The following ARMH1 variants were observed in gnomAD, a reference collection of about 807,000 sequenced individuals.
ARMH1 encodes armadillo-like helical domain containing protein 1.
Under a neutral mutation model 50.2 loss-of-function variants are expected in ARMH1, and 34 were observed. That is an observed-to-expected ratio of 0.68 (90% CI 0.51 to 0.90). The LOEUF is 0.90. ARMH1 is among the 40% of genes least tolerant of loss of function. The pLI is 0.00. For missense variants in ARMH1, 538 were observed against 553.9 expected, an observed-to-expected ratio of 0.97 and a Z score of 0.29; for synonymous variants, 221 against 224.2, an observed-to-expected ratio of 0.99 and a Z score of 0.13.
chr1:44,674,855 G>GC lies in ARMH1; in HGVS notation c.-40dup, dbSNP rs1432221075. On this transcript the variant is annotated 5_prime_UTR_variant, in exon 1 of 12. Transcript: ENST00000535358. The stretch of plus-strand genomic sequence containing the variant: ...CTACCTCTGCCATCCTCTACCAGCC[G>GC]CAACTGCGAGGGCTGGAGGTATAAA... 6.4e-6 allele frequency: 1 copy of GC among 156,386 alleles called. No individual in the cohort carries two copies. The highest frequency in any genetic ancestry group is 2.4e-5 in the African/African-American group (1 of 41,556). 9.7% of individuals were successfully genotyped at this position (156,386 alleles called of 1,614,324 possible).
chr1:44,701,032 T>C lies in ARMH1; in HGVS notation c.552T>C (p.Asn184=). ...TCCACGGCAATCCCAAGTACCAAAATCAAGTGTATAAAGGTCTAATAGCTT... is the reference window on the plus strand; with the variant it reads ...TCCACGGCAATCCCAAGTACCAAAACCAAGTGTATAAAGGTCTAATAGCTT... ...SLVHGNPKYQ[N]QVYKGLIALL... is the part of the protein sequence containing the mutation. Residue 184 remains asparagine (N), a synonymous_variant, in exon 5 of 12, where the codon AAT becomes AAC. Transcript: ENST00000535358. 1 of 1,551,734 alleles carries C rather than the reference T, an allele frequency of 6.4e-7. No individual in the cohort carries two copies. Among genetic ancestry groups the C allele is most frequent in the Non-Finnish European group, 8.7e-7 (1 of 1,147,008 alleles).
intron 6 of ARMH1, among the ~76,000 whole-genome samples, chr1:44,716,598 C>T (rs760400543): frequency 6.6e-6 from 1 of 152,188 alleles, no homozygotes; most frequent in Non-Finnish European, 1.5e-5. Flanking sequence ...TTGCTTCCCA[C>T]CTTCAACCAA....
rs151282424 is a variant in ARMH1 at position 44,697,146 on chromosome 1, G to A, written c.251G>A (p.Gly84Asp). 9 of 1,551,984 alleles carry A rather than the reference G, an allele frequency of 5.8e-6. No homozygotes were observed. In the East Asian group the frequency reaches 2.0e-4, roughly 34 times the overall value. The change falls in exon 3 of 12, where the codon GGC (glycine) becomes GAC (aspartate). Residue 84 changes from glycine (G) to aspartate (D), a missense_variant. Coordinates refer to ENST00000535358, the MANE Select transcript of ARMH1 (RefSeq NM_001145636.2). ...TTAGAAAAGCTTCTCAGGTCCATTG[G>A]CATCTTCTTATCAGCTGTAAGCAGG... Reference protein sequence around the residue: ...SCLEKLLRSIGIFLSAVSSNR... With the variant: ...SCLEKLLRSIDIFLSAVSSNR...
At chr1:44,714,833 A>G (rs1020820719) in intron 6 of ARMH1, among the ~76,000 whole-genome samples, 4 of 151,800 alleles carry the variant, frequency 2.6e-5, no homozygotes, top group Non-Finnish European at 5.9e-5. Context: ...AATTCTTTTT[A>G]GAGATGGGAT....
intron 5 of ARMH1, among the ~76,000 whole-genome samples, chr1:44,702,788 A>C (rs928242099): frequency 6.6e-6 from 1 of 152,180 alleles, no homozygotes; most frequent in African/African-American, 2.4e-5. Flanking sequence ...AGGGTTGGAA[A>C]ATCAAGGGAA....
chr1:44,724,422 C>T lies in ARMH1; in HGVS notation c.920+30C>T. The stretch of plus-strand genomic sequence containing the variant: ...GCGGGCAGGGGTTAGTGGGTAGCTG[C>T]AGCAAGCCTGGCTTGGCGCTGCCGG... On this transcript the variant is annotated intron_variant, in intron 8 of 11. Transcript: ENST00000535358. This position sits in a 1 kb window ranked among gnomAD's most constrained non-coding sequence, Gnocchi z 6.4. The T allele has an allele frequency of 3.2e-6, 5 of 1,544,816 alleles. No individual in the cohort carries two copies. The highest frequency in any genetic ancestry group is 4.4e-6 in the Non-Finnish European group (5 of 1,145,408).
At chr1:44,676,492 G>A (rs72671983) in intron 1 of ARMH1, among the ~76,000 whole-genome samples, 6,369 of 152,294 alleles carry the variant, frequency 0.042, 185 homozygotes, top group Non-Finnish European at 0.065. Context: ...TGAGGGTCTG[G>A]CAAAGGAGGA....
chr1:44,721,582 G>C, intron 6 of ARMH1, among the ~76,000 whole-genome samples: 1 of 152,028 alleles, frequency 6.6e-6, no homozygotes, highest in Non-Finnish European at 1.5e-5. Context: ...CATGACAGTA[G>C]GCCGGGCACT....
In ARMH1 at chr1:44,681,051, G is replaced by C. The variant is rs373107271; in HGVS notation, c.-23+6178G>C. On this transcript the variant is annotated intron_variant, in intron 1 of 11. Coordinates refer to ENST00000535358, the MANE Select transcript of ARMH1 (RefSeq NM_001145636.2). This position sits in a 1 kb window ranked among gnomAD's most constrained non-coding sequence, Gnocchi z 4.3. ...GCTCTGTCACCCAGGCTGGAGTGTA[G>C]TGGCGTGATCTCGGCTCACTGCAAG... Among the ~76,000 whole-genome samples the C allele has an allele frequency of 8.1e-5, 12 of 147,626 alleles. No individual in the cohort carries two copies. The highest frequency in any genetic ancestry group is 3.1e-4 in the African/African-American group (12 of 39,152).
intron 1 of ARMH1, among the ~76,000 whole-genome samples, chr1:44,686,277 C>A (rs917211104): frequency 1.3e-5 from 2 of 152,052 alleles, no homozygotes; most frequent in Non-Finnish European, 2.9e-5. Context: ...TACTTCAAAC[C>A]AAACAATAGG....
At chr1:44,685,349 C>T (rs541984994) in intron 1 of ARMH1, among the ~76,000 whole-genome samples, 47 of 151,164 alleles carry the variant, frequency 3.1e-4, no homozygotes, top group African/African-American at 1.0e-3. Flanking sequence ...TGCTGTGTTG[C>T]CCAGGCTGGA....
intron 2 of ARMH1, among the ~76,000 whole-genome samples, chr1:44,693,616 A>G (rs1482352904): frequency 6.6e-5 from 10 of 151,632 alleles, no homozygotes; most frequent in Non-Finnish European, 1.5e-4. Context: ...ATCCCCAACT[A>G]ATTTTATTAT....
chr1:44,698,157 G>T lies in ARMH1; in HGVS notation c.370G>T (p.Glu124Ter). 4.5e-6 allele frequency: 7 copies of T among 1,552,388 alleles called. No individual in the cohort carries two copies. Among genetic ancestry groups the T allele is most frequent in the Non-Finnish European group, 6.1e-6 (7 of 1,147,134 alleles). ...LEKIKEEAKK[E>*]SVKLLQVIAN... ...GAAGATCAAGGAGGAGGCCAAGAAG[G>T]AATCTGTCAAACTACTTCAGGTTAT... is the stretch of plus-strand genomic sequence containing the variant. The change falls in exon 4 of 12, where the codon GAA (glutamate) becomes TAA (stop). Residue 124 changes from glutamate (E) to a stop codon, truncating the protein, a stop_gained. Transcript: ENST00000535358. LOFTEE classifies it high-confidence loss of function.
Position 44,725,421 on chromosome 1 carries a change from CAG to C in ARMH1, c.*19_*20del. The C allele has an allele frequency of 6.4e-7, 1 of 1,551,050 alleles. No individual in the cohort carries two copies. The highest frequency in any genetic ancestry group is 8.7e-7 in the Non-Finnish European group (1 of 1,146,376). Reference sequence around the variant, plus strand: ...AGGAGTAACAGCCCCTGTGGCAAACCAGGAAGGCCAAGGCTGCGGGGCAGGGA... The same window carrying C: ...AGGAGTAACAGCCCCTGTGGCAAACCGAAGGCCAAGGCTGCGGGGCAGGGA... On this transcript the variant is annotated 3_prime_UTR_variant, in exon 12 of 12. Transcript: ENST00000535358.
chr1:44,713,337 G>A lies in ARMH1; in HGVS notation c.724+9164G>A, dbSNP rs901289197. Among the ~76,000 whole-genome samples, 7 of 151,978 alleles carry A rather than the reference G, an allele frequency of 4.6e-5. No individual in the cohort carries two copies. In the East Asian group the frequency reaches 1.4e-3, roughly 29 times the overall value. On this transcript the variant is annotated intron_variant, in intron 6 of 11. Coordinates refer to ENST00000535358, the MANE Select transcript of ARMH1 (RefSeq NM_001145636.2). ...TGGTCTCCAACTCCTGGGCTCAAGC[G>A]ATCCACCTGCCTCGGGCTCCCAAAG...
At chr1:44,709,871 C>T (rs1299725273) in intron 6 of ARMH1, among the ~76,000 whole-genome samples, 2 of 151,836 alleles carry the variant, frequency 1.3e-5, no homozygotes, top group East Asian at 1.9e-4. Flanking sequence ...CTAACAAATA[C>T]GTATAAGAAT....
At chr1:44,678,250 A>C (rs985828239) in intron 1 of ARMH1, among the ~76,000 whole-genome samples, 3 of 151,938 alleles carry the variant, frequency 2.0e-5, no homozygotes, top group Admixed American at 2.0e-4. Flanking sequence ...GCAGTGTTGG[A>C]GGCAGAAGTG....
At chr1:44,713,432 ATTTTAGCC>A (rs1646707373) in intron 6 of ARMH1, among the ~76,000 whole-genome samples, 1 of 152,046 alleles carries the variant, frequency 6.6e-6, no homozygotes, top group Non-Finnish European at 1.5e-5. Flanking sequence ...ATGGGCAGTA[ATTTTAGCC>A]TTTCCTGCTG....
intron 4 of ARMH1, among the ~76,000 whole-genome samples, chr1:44,699,109 C>T (rs532184013): frequency 3.2e-4 from 49 of 151,900 alleles, no homozygotes; most frequent in Non-Finnish European, 4.4e-4. Context: ...GGTGAAACCC[C>T]GTCTCTACTG....
Sources: allele counts gnomAD v4.1 joint callset (sites outside exome capture counted in the v4.1 genomes callset), GRCh38; gene constraint gnomAD v4.1.1; non-coding constraint Gnocchi (gnomAD v3.1); transcripts MANE v1.5; gene names NCBI Gene and HGNC (gene_info 2026-07-23, HGNC 2026-07-21).